Variants in XAGE5 observed in about 807,000 individuals in gnomAD.
XAGE5 encodes X antigen family member 5.
A neutral mutation model predicts 13.1 loss-of-function variants in XAGE5; 13 were observed. That is an observed-to-expected ratio of 0.99 (90% CI 0.64 to 1.57). The LOEUF is 1.57. Among genes scored for constraint, XAGE5 ranks in the 40% most tolerant of loss-of-function variants. The pLI, the probability that XAGE5 is intolerant of heterozygous loss-of-function variation, is 0.00. For synonymous variants in XAGE5, 17 were observed against 25.0 expected, an observed-to-expected ratio of 0.68 and a Z score of 0.96; for missense variants, 86 against 77.6, an observed-to-expected ratio of 1.11 and a Z score of -0.41.
intron 3 of XAGE5, 39 bp downstream of exon 3, chrX:52,812,677 A>C: frequency 8.6e-7 from 1 of 1,164,814 alleles, no homozygotes; most frequent in Non-Finnish European, 1.2e-6. Flanking sequence ...TACTAGCAGA[A>C]ATTTTTTTGT....
In XAGE5 at chrX:52,815,092, T is replaced by C; in HGVS notation, c.179T>C (p.Val60Ala). ...EDDQGAAEIQ[V>A]PNLEADLQEL... ...AGTCCATATCCTTGGTATTTTTCAG[T>C]GCCTAACCTGGAAGCTGATCTCCAG... is the stretch of plus-strand genomic sequence containing the variant. Residue 60 changes from valine to alanine, a missense_variant and splice_region_variant, in exon 5 of 6, where the codon GTG becomes GCG. Transcript: ENST00000375501. 8.3e-7 allele frequency: 1 copy of C among 1,211,254 alleles called. No individual in the cohort carries two copies. The highest frequency in any genetic ancestry group is 3.0e-5 in the East Asian group (1 of 33,841).
chrX:52,812,737 T>C, intron 3 of XAGE5, 99 bp downstream of exon 3: 1 of 782,241 alleles, frequency 1.3e-6, no homozygotes. Flanking sequence ...AGGTCTCCCA[T>C]GTTGATAAAA....
intron 1 of XAGE5, among the ~76,000 whole-genome samples, 27 bp downstream of exon 1, chrX:52,811,439 G>A (rs1162903628): frequency 2.7e-5 from 3 of 111,647 alleles, no homozygotes; most frequent in Admixed American, 1.9e-4. Flanking sequence ...AGGAGCCAGC[G>A]GGCTTCCGGA....
intron 5 of XAGE5, among the ~76,000 whole-genome samples, chrX:52,817,155 A>G (rs1324254770): frequency 8.9e-6 from 1 of 111,978 alleles, no homozygotes; most frequent in African/African-American, 3.2e-5. Context: ...CTTAAACACT[A>G]ATATTTTCAG....
At chrX:52,815,338 C>A (rs1385738195) in intron 5 of XAGE5, 121 bp downstream of exon 5, 6 of 870,076 alleles carry the variant, frequency 6.9e-6, no homozygotes, top group Admixed American at 7.5e-5. Flanking sequence ...TGCAGACTTT[C>A]TTTGGAAGGT....
intron 5 of XAGE5, among the ~76,000 whole-genome samples, chrX:52,817,252 A>G (rs1174578358): frequency 8.9e-6 from 1 of 112,120 alleles, no homozygotes; most frequent in Non-Finnish European, 1.9e-5. Context: ...CGCCACAAAG[A>G]CTGTGCATGA....
Position 52,818,215 on chromosome X carries a change from C to T in XAGE5, c.*2C>T, listed in dbSNP as rs1237578938. On this transcript the variant is annotated 3_prime_UTR_variant, in exon 6 of 6. Coordinates refer to ENST00000375501, the MANE Select transcript of XAGE5 (RefSeq NM_001386970.1). ...GGGGAAGGGAAACCACAGCTTTAAACGAAGACAACCAAAAGAATGCAAACT... is the reference window on the plus strand; with the variant it reads ...GGGGAAGGGAAACCACAGCTTTAAATGAAGACAACCAAAAGAATGCAAACT... The T allele has an allele frequency of 1.1e-5, 13 of 1,209,686 alleles. No homozygotes were observed. Among genetic ancestry groups the T allele is most frequent in the South Asian group, 8.8e-5 (5 of 56,751 alleles).
chrX:52,813,045 C>A (rs1926830136), intron 3 of XAGE5, 95 bp from the exon 4 acceptor site: 1 of 626,827 alleles, frequency 1.6e-6, no homozygotes, highest in Non-Finnish European at 2.6e-6. Context: ...TCAGAAGTAT[C>A]TGTGTAATCT....
At chrX:52,815,782 T>C (rs1381499241) in intron 5 of XAGE5, among the ~76,000 whole-genome samples, 1 of 112,314 alleles carries the variant, frequency 8.9e-6, no homozygotes, top group Non-Finnish European at 1.9e-5. Flanking sequence ...TCAGCTTCAG[T>C]CCAATTGTAA....
At chrX:52,814,376 T>G (rs2146527976) in intron 4 of XAGE5, 1 of 165,808 alleles carries the variant, frequency 6.0e-6, no homozygotes, top group South Asian at 1.1e-4. Flanking sequence ...GGAAGGGGCT[T>G]TTAAAAGTTG....
In XAGE5 at chrX:52,811,688, C is replaced by T. The variant is rs1556777333; in HGVS notation, c.-40C>T. ...AACAGAGGACAAATTCCAGACTCCT[C>T]AAGGGACATCAAGGCTGGAATGTCG... On this transcript the variant is annotated 5_prime_UTR_variant, in exon 2 of 6. Coordinates refer to ENST00000375501, the MANE Select transcript of XAGE5 (RefSeq NM_001386970.1). 9.1e-6 allele frequency among the ~76,000 whole-genome samples: 1 copy of T among 110,275 alleles called. No individual in the cohort carries two copies. Among genetic ancestry groups the T allele is most frequent in the Non-Finnish European group, 1.9e-5 (1 of 52,803 alleles).
chrX:52,816,716 T>C (rs1329562190), intron 5 of XAGE5, among the ~76,000 whole-genome samples: 2 of 112,023 alleles, frequency 1.8e-5, no homozygotes, highest in Non-Finnish European at 3.8e-5. Context: ...AATGTTTTAC[T>C]CCACACTTCT....
rs782784234 is a variant in XAGE5 at position 52,815,107 on chromosome X, C to T, written c.194C>T (p.Ala65Val). Reference sequence around the variant, plus strand: ...TATTTTTCAGTGCCTAACCTGGAAGCTGATCTCCAGGAGCTGTCTCAGTCA... The same window carrying T: ...TATTTTTCAGTGCCTAACCTGGAAGTTGATCTCCAGGAGCTGTCTCAGTCA... ...AAEIQVPNLE[A>V]DLQELSQSKT... The change falls in exon 5 of 6, where the codon GCT (alanine) becomes GTT (valine). Residue 65 changes from alanine (A) to valine (V), a missense_variant. By Grantham distance (64) the Ala-to-Val change is moderately conservative (BLOSUM62 0). Transcript: ENST00000375501. 2 of 1,211,197 alleles carry T rather than the reference C, an allele frequency of 1.7e-6. No individual in the cohort carries two copies. Among genetic ancestry groups the T allele is most frequent in the Admixed American group, 4.3e-5 (2 of 45,981 alleles).
chrX:52,814,365 T>C (rs781915893), intron 4 of XAGE5: 3 of 180,276 alleles, frequency 1.7e-5, no homozygotes, highest in Admixed American at 6.3e-5. Context: ...TAATAGGATA[T>C]GGAAGGGGCT....
chrX:52,814,089 ATT>A (rs1219561035), intron 4 of XAGE5: 2 of 234,937 alleles, frequency 8.5e-6, no homozygotes, highest in Non-Finnish European at 1.7e-5. Flanking sequence ...AGGAATTCAT[ATT>A]TTGTTCCAAG....
intron 3 of XAGE5, 69 bp from the exon 4 acceptor site, chrX:52,813,071 T>G: frequency 1.3e-6 from 1 of 759,343 alleles, no homozygotes; most frequent in Non-Finnish European, 2.0e-6. Flanking sequence ...TTCATATTAT[T>G]GACATGCATT....
chrX:52,815,698 A>G (rs1430841116), intron 5 of XAGE5, among the ~76,000 whole-genome samples: 1 of 112,304 alleles, frequency 8.9e-6, no homozygotes, highest in Non-Finnish European at 1.9e-5. Context: ...TTCATTGCTG[A>G]TTTCTACATG....
chrX:52,817,169 A>G (rs1217332230), intron 5 of XAGE5, among the ~76,000 whole-genome samples: 3 of 112,134 alleles, frequency 2.7e-5, no homozygotes, highest in Non-Finnish European at 5.6e-5. Context: ...TTTTCAGAGT[A>G]TGGATGAAAT....
intron 5 of XAGE5, among the ~76,000 whole-genome samples, chrX:52,816,067 A>T (rs1556778088): frequency 1.8e-5 from 2 of 111,622 alleles, no homozygotes; most frequent in South Asian, 7.5e-4. Context: ...CCTTAGCCTC[A>T]CATGTATTTG....
Sources: allele counts gnomAD v4.1 joint callset (sites outside exome capture counted in the v4.1 genomes callset), GRCh38; gene constraint gnomAD v4.1.1; transcripts MANE v1.5; gene names NCBI Gene and HGNC (gene_info 2026-07-23, HGNC 2026-07-21).